The following SLC6A6 variants were observed in gnomAD, a reference collection of about 807,000 sequenced individuals.
SLC6A6 encodes sodium- and chloride-dependent taurine transporter.
SLC6A6 carries 16 observed loss-of-function variants against 68.8 expected under a neutral mutation model. The observed-to-expected ratio is 0.23, with a 90% CI of 0.16 to 0.35. The LOEUF (loss-of-function observed/expected upper bound fraction) is 0.35. SLC6A6 is among the 10% of genes least tolerant of loss of function. The pLI, the probability that SLC6A6 is intolerant of heterozygous loss-of-function variation, is 1.00. For missense variants in SLC6A6, 474 were observed against 802.8 expected, an observed-to-expected ratio of 0.59 and a Z score of 4.95; for synonymous variants, 312 against 315.4, an observed-to-expected ratio of 0.99 and a Z score of 0.12.
chr3:14,458,636 A>T (rs1700424657), intron 6 of SLC6A6, among the ~76,000 whole-genome samples: 1 of 152,228 alleles, frequency 6.6e-6, no homozygotes, highest in Non-Finnish European at 1.5e-5. Flanking sequence ...TTATCCCCAG[A>T]TAATCCAAGA....
intron 12 of SLC6A6, 101 bp downstream of exon 12, chr3:14,478,669 G>A: frequency 1.3e-6 from 1 of 791,564 alleles, no homozygotes. Flanking sequence ...TTCAATTTGA[G>A]TTGAACAGTA....
chr3:14,410,420 C>T lies in SLC6A6; in HGVS notation c.-53-5992C>T, dbSNP rs192951089. 2.6e-3 allele frequency among the ~76,000 whole-genome samples: 395 copies of T among 152,292 alleles called. 4 individuals are homozygous for T. The highest frequency in any genetic ancestry group is 9.1e-3 in the African/African-American group (378 of 41,558). The stretch of plus-strand genomic sequence containing the variant: ...AAAACTGTATCAATTGCAAAGACTC[C>T]TTACAGTTTGGCTGCTCAGGAGACA... On this transcript the variant is annotated intron_variant, in intron 1 of 14. Transcript: ENST00000622186.
At chr3:14,449,463 T>C (rs972137163) in intron 5 of SLC6A6, among the ~76,000 whole-genome samples, 1 of 152,234 alleles carries the variant, frequency 6.6e-6, no homozygotes, top group African/African-American at 2.4e-5. Flanking sequence ...TCTGCTGTTT[T>C]TGGAGTGGCC....
intron 10 of SLC6A6, among the ~76,000 whole-genome samples, chr3:14,476,332 A>G (rs1700878291): frequency 6.6e-6 from 1 of 152,242 alleles, no homozygotes. Context: ...TTATCAATTA[A>G]AAAATGAGGC....
rs538830122 is a variant in SLC6A6 at position 14,451,223 on chromosome 3, G to A, written c.599+3407G>A. ...GATTGAGACTATTTCAACACAGCAA[G>A]TGCTCACTGGGTGCTGAATCTCCTC... On this transcript the variant is annotated intron_variant, in intron 5 of 14. Transcript: ENST00000622186. Among the ~76,000 whole-genome samples the A allele has an allele frequency of 3.3e-5, 5 of 152,368 alleles. No homozygotes were observed. The East Asian group carries it at 9.6e-4, about 29-fold the overall frequency.
intron 10 of SLC6A6, among the ~76,000 whole-genome samples, chr3:14,474,494 G>A (rs995051659): frequency 6.6e-6 from 1 of 152,142 alleles, no homozygotes; most frequent in South Asian, 2.1e-4. Context: ...TTCCCAAATG[G>A]AGCCTCTGTC....
intron 2 of SLC6A6, among the ~76,000 whole-genome samples, chr3:14,431,549 G>C (rs536120056): frequency 2.3e-4 from 35 of 152,292 alleles, no homozygotes; most frequent in African/African-American, 6.7e-4. Flanking sequence ...ACAAGCCAAG[G>C]GTGTTGGGGC....
intron 1 of SLC6A6, among the ~76,000 whole-genome samples, chr3:14,413,959 A>G (rs1287630612): frequency 6.6e-6 from 1 of 152,066 alleles, no homozygotes; most frequent in South Asian, 2.1e-4. Flanking sequence ...TATTTTTGAG[A>G]TGAGTCTTTC....
In SLC6A6 at chr3:14,478,534, A is replaced by G. The variant is rs774567658; in HGVS notation, c.1416A>G (p.Ala472=). 1.6e-5 allele frequency: 25 copies of G among 1,612,676 alleles called. 1 individual carries two copies. The South Asian group carries it at 2.7e-4, about 18-fold the overall frequency. Residue 472 remains alanine, a synonymous_variant, in exon 12 of 15, where the codon GCA becomes GCG. Transcript: ENST00000622186. ...AASGVCLLWV[A]FFECFVIAWI... is the part of the protein sequence containing the mutation. ...GCGGTGTATGCCTTTTGTGGGTTGCATTCTTTGAATGTTTTGTTATTGCCT... is the reference window on the plus strand; with the variant it reads ...GCGGTGTATGCCTTTTGTGGGTTGCGTTCTTTGAATGTTTTGTTATTGCCT...
chr3:14,461,451 G>A (rs1357822845), intron 6 of SLC6A6, among the ~76,000 whole-genome samples: 2 of 152,210 alleles, frequency 1.3e-5, no homozygotes, highest in African/African-American at 2.4e-5. Flanking sequence ...AGTAAGTAGG[G>A]CGTGTGGCAG....
In SLC6A6 at chr3:14,477,581, C is replaced by T. The variant is rs1350757403; in HGVS notation, c.1347+239C>T. On this transcript the variant is annotated intron_variant, in intron 11 of 14. Coordinates refer to ENST00000622186, the MANE Select transcript of SLC6A6 (RefSeq NM_003043.6). This position sits in a 1 kb window ranked among gnomAD's most constrained non-coding sequence, Gnocchi z 4.2. ...GCTGTGGCAACACTGTGACCACCCG[C>T]TGCCCTCTGTCCTGGGAAGAGGATC... 6.6e-6 allele frequency among the ~76,000 whole-genome samples: 1 copy of T among 152,244 alleles called. No individual in the cohort carries two copies. The highest frequency in any genetic ancestry group is 1.5e-5 in the Non-Finnish European group (1 of 68,036).
In SLC6A6 at chr3:14,487,732, A is replaced by G. The variant is rs1320222611; in HGVS notation, c.*2725A>G. 2 of 152,190 alleles carry G rather than the reference A, an allele frequency of 1.3e-5. No individual in the cohort carries two copies. The highest frequency in any genetic ancestry group is 1.9e-4 in the East Asian group (1 of 5,198). 9.4% of individuals were successfully genotyped at this position (152,190 alleles called of 1,614,324 possible). On this transcript the variant is annotated 3_prime_UTR_variant, in exon 15 of 15. Coordinates refer to ENST00000622186, the MANE Select transcript of SLC6A6 (RefSeq NM_003043.6). ...CCCTAACCCAACGCCCTTGTTGTAA[A>G]TGAGGTAACTGAGGCTCAGGGAGGC...
At chr3:14,454,891 A>G (rs1700335425) in intron 5 of SLC6A6, among the ~76,000 whole-genome samples, 1 of 152,032 alleles carries the variant, frequency 6.6e-6, no homozygotes, top group African/African-American at 2.4e-5. Context: ...TGTCTCATGC[A>G]CTGTTCTTCA....
chr3:14,466,205 T>A (rs1005198783), intron 6 of SLC6A6, among the ~76,000 whole-genome samples: 1 of 144,900 alleles, frequency 6.9e-6, no homozygotes, highest in African/African-American at 2.6e-5. Flanking sequence ...GAGGTTGCAG[T>A]GAGCCGAGAT....
At chr3:14,417,476 G>C (rs554929410) in intron 2 of SLC6A6, among the ~76,000 whole-genome samples, 1 of 151,726 alleles carries the variant, frequency 6.6e-6, no homozygotes, top group African/African-American at 2.4e-5. Context: ...TCACGCCTGG[G>C]ATCCCAGCAC....
At chr3:14,478,828 G>T in intron 12 of SLC6A6, 1 of 592,682 alleles carries the variant, frequency 1.7e-6, no homozygotes, top group Non-Finnish European at 3.0e-6. Flanking sequence ...TTATCTCCTT[G>T]AGGCCTTGGG....
chr3:14,459,677 T>C (rs1170090427), intron 6 of SLC6A6, among the ~76,000 whole-genome samples: 1 of 152,084 alleles, frequency 6.6e-6, no homozygotes, highest in African/African-American at 2.4e-5. Flanking sequence ...GTTCTCTGTC[T>C]CACAAGCACA....
At chr3:14,482,291 T>G (rs3773166) in intron 14 of SLC6A6, among the ~76,000 whole-genome samples, 1 of 151,988 alleles carries the variant, frequency 6.6e-6, no homozygotes, top group African/African-American at 2.4e-5. Context: ...GATGCCTTCT[T>G]TTATTGAGGA....
intron 1 of SLC6A6, among the ~76,000 whole-genome samples, chr3:14,405,648 T>C (rs962860526): frequency 6.6e-6 from 1 of 152,254 alleles, no homozygotes; most frequent in African/African-American, 2.4e-5. Context: ...CTCATTTTCC[T>C]GTGTTTGCCA....
Sources: allele counts gnomAD v4.1 joint callset (sites outside exome capture counted in the v4.1 genomes callset), GRCh38; gene constraint gnomAD v4.1.1; non-coding constraint Gnocchi (gnomAD v3.1); transcripts MANE v1.5; gene names NCBI Gene and HGNC (gene_info 2026-07-23, HGNC 2026-07-21).